Variants in EXD1 observed in about 807,000 individuals in gnomAD.
The protein encoded by EXD1 is piRNA biogenesis protein EXD1.
Under a neutral mutation model 49.1 loss-of-function variants are expected in EXD1, and 63 were observed. That is an observed-to-expected ratio of 1.28 (90% confidence interval 1.05 to 1.58). EXD1 has a LOEUF of 1.58. Among genes scored for constraint, EXD1 ranks in the 40% most tolerant of loss-of-function variants. The pLI is 0.00. For missense variants in EXD1, 748 were observed against 666.0 expected, an observed-to-expected ratio of 1.12 and a Z score of -1.36; for synonymous variants, 234 against 239.2, an observed-to-expected ratio of 0.98 and a Z score of 0.20.
intron 6 of EXD1, among the ~76,000 whole-genome samples, chr15:41,212,260 T>C (rs867540237): frequency 6.6e-6 from 1 of 151,452 alleles, no homozygotes; most frequent in Non-Finnish European, 1.5e-5. Context: ...ACACCCTGGC[T>C]AACACGGTGA....
At chr15:41,214,751 C>CTT (rs544183000) in intron 6 of EXD1, among the ~76,000 whole-genome samples, 2 of 145,768 alleles carry the variant, frequency 1.4e-5, no homozygotes, top group Non-Finnish European at 1.5e-5. Context: ...AAGTTCTTCA[C>CTT]TTTTTTTTTT....
In EXD1 at chr15:41,183,634, C is replaced by T; in HGVS notation, c.*297G>A. 4.0e-6 allele frequency: 1 copy of T among 252,110 alleles called. No homozygotes were observed. Among genetic ancestry groups the T allele is most frequent in the Non-Finnish European group, 7.5e-6 (1 of 134,142 alleles). 15.6% of individuals were successfully genotyped at this position (252,110 alleles called of 1,614,324 possible). A position where few individuals can be genotyped will look rare whatever the true frequency, so the allele number is the denominator to read the frequency against. ...GATGGAGTCTTCCTGATACTAAGCC[C>T]AAGATTCTTCCTTTCTTCAAATCCT... On this transcript the variant is annotated 3_prime_UTR_variant, in exon 12 of 12. Transcript: ENST00000458580.
At chr15:41,195,688 A>T in intron 9 of EXD1, 87 bp downstream of exon 9, 1 of 961,186 alleles carries the variant, frequency 1.0e-6, no homozygotes, top group Non-Finnish European at 1.4e-6. Flanking sequence ...AATTAAAAAG[A>T]CTTTCACTCA....
chr15:41,223,710 G>A (rs2047122545), intron 2 of EXD1, among the ~76,000 whole-genome samples: 2 of 149,242 alleles, frequency 1.3e-5, no homozygotes, highest in African/African-American at 4.9e-5. Flanking sequence ...AAATACAAAA[G>A]AAAAATCAGC....
rs146912944 is a variant in EXD1 at position 41,214,143 on chromosome 15, G to C, written c.447+1632C>G. The stretch of plus-strand genomic sequence containing the variant: ...GATAGTGCCACTGCACTCCAGCCTG[G>C]GCGAAAGAGACTCCATCTCAAAAAC... On this transcript the variant is annotated intron_variant, in intron 6 of 11. Coordinates refer to ENST00000458580, the MANE Select transcript of EXD1 (RefSeq NM_001286441.2). Among the ~76,000 whole-genome samples the C allele has an allele frequency of 3.8e-3, 585 of 152,140 alleles. 7 individuals are homozygous for C. Among genetic ancestry groups the C allele is most frequent in the African/African-American group, 0.013 (543 of 41,508 alleles).
chr15:41,195,348 T>A (rs28459903), intron 9 of EXD1, among the ~76,000 whole-genome samples: 94 of 152,176 alleles, frequency 6.2e-4, no homozygotes, highest in Non-Finnish European at 1.2e-3. Flanking sequence ...TTGGGGGGCA[T>A]ATGCAGGACG....
At chr15:41,196,791 TC>T (rs1157958153) in intron 7 of EXD1, among the ~76,000 whole-genome samples, 4 of 152,128 alleles carry the variant, frequency 2.6e-5, no homozygotes, top group South Asian at 4.2e-4. Context: ...GGTCTCAAAC[TC>T]CTGACCTCAA....
chr15:41,217,461 G>A (rs1329142165), intron 3 of EXD1, among the ~76,000 whole-genome samples: 1 of 151,644 alleles, frequency 6.6e-6, no homozygotes, highest in African/African-American at 2.4e-5. Flanking sequence ...GTTAGTTCTA[G>A]AGATTTCTTT....
At position 41,215,831 on chromosome 15, in the gene EXD1, C is replaced by A. The variant is rs1372532950; in HGVS notation, c.391G>T (p.Glu131Ter). 6.2e-7 allele frequency: 1 copy of A among 1,613,850 alleles called. No individual in the cohort carries two copies. The highest frequency in any genetic ancestry group is 1.1e-5 in the South Asian group (1 of 91,064). ...ATGACTGTGTATGTCACCTCCTCTTCCTCTACAAGACAAGGATTGCATTAG... is the reference window on the plus strand; with the variant it reads ...ATGACTGTGTATGTCACCTCCTCTTACTCTACAAGACAAGGATTGCATTAG... ...LNDLKYSPSE[E>*]EEVTYTVINQ... Residue 131 changes from glutamate (E) to a stop codon, truncating the protein, a stop_gained and splice_region_variant, in exon 6 of 12, where the codon GAA (glutamate) becomes TAA (stop). Transcript: ENST00000458580. LOFTEE classifies it high-confidence loss of function.
intron 1 of EXD1, among the ~76,000 whole-genome samples, chr15:41,227,173 C>T (rs1395478859): frequency 2.0e-5 from 3 of 152,104 alleles, no homozygotes; most frequent in Non-Finnish European, 4.4e-5. Flanking sequence ...GAAATCAAGG[C>T]AAGTAGGACA....
chr15:41,216,848 C>T lies in EXD1; in HGVS notation c.261-53G>A, dbSNP rs1242082853. ...TGAACTTGTTCTTTGTTGTTGACAC[C>T]AAAAACAGATTTTGCCACACATTAA... is the stretch of plus-strand genomic sequence containing the variant. On this transcript the variant is annotated intron_variant, in intron 4 of 11. Transcript: ENST00000458580. 1.9e-6 allele frequency: 3 copies of T among 1,600,882 alleles called. No homozygotes were observed. In the Admixed American group the frequency reaches 5.2e-5, roughly 28 times the overall value.
chr15:41,226,889 T>A (rs1311481591), intron 1 of EXD1, among the ~76,000 whole-genome samples: 2 of 152,162 alleles, frequency 1.3e-5, no homozygotes, highest in Non-Finnish European at 2.9e-5. Context: ...CTTCCTTAGC[T>A]AAATGGAAGA....
chr15:41,228,123 T>A (rs1027633531), intron 1 of EXD1, among the ~76,000 whole-genome samples: 1 of 152,218 alleles, frequency 6.6e-6, no homozygotes, highest in Non-Finnish European at 1.5e-5. Flanking sequence ...TTTTAAAAGT[T>A]AATTTAGAAC....
intron 7 of EXD1, among the ~76,000 whole-genome samples, chr15:41,198,783 G>A (rs900983244): frequency 2.6e-5 from 4 of 151,490 alleles, no homozygotes; most frequent in African/African-American, 4.9e-5. Context: ...TCGGCTCACT[G>A]AAACCTCTGC....
intron 3 of EXD1, among the ~76,000 whole-genome samples, chr15:41,218,808 T>C (rs1470378101): frequency 6.6e-6 from 1 of 152,200 alleles, no homozygotes; most frequent in Non-Finnish European, 1.5e-5. Context: ...GAAAGAAATA[T>C]GTAGCTGTCC....
chr15:41,206,866 C>T (rs1566985447), intron 7 of EXD1, among the ~76,000 whole-genome samples: 1 of 147,660 alleles, frequency 6.8e-6, no homozygotes, highest in Non-Finnish European at 1.5e-5. Flanking sequence ...GTGATCTGCC[C>T]ACCGTAGCCT....
intron 7 of EXD1, among the ~76,000 whole-genome samples, chr15:41,198,537 A>G (rs2046652507): frequency 6.6e-6 from 1 of 151,860 alleles, no homozygotes; most frequent in Non-Finnish European, 1.5e-5. Context: ...CAAAAAATTT[A>G]AAAATCAGCT....
chr15:41,201,878 G>A (rs2046734127), intron 7 of EXD1, among the ~76,000 whole-genome samples: 4 of 152,176 alleles, frequency 2.6e-5, no homozygotes, highest in South Asian at 2.1e-4. Context: ...AACGCCAGGC[G>A]TGGTGTGGCT....
At chr15:41,208,273 G>A (rs2140875824) in intron 7 of EXD1, among the ~76,000 whole-genome samples, 1 of 148,294 alleles carries the variant, frequency 6.7e-6, no homozygotes, top group East Asian at 2.0e-4. Context: ...GCTCATGCCT[G>A]TAACCCCAGC....
Sources: allele counts gnomAD v4.1 joint callset (sites outside exome capture counted in the v4.1 genomes callset), GRCh38; gene constraint gnomAD v4.1.1; transcripts MANE v1.5; gene names NCBI Gene and HGNC (gene_info 2026-07-23, HGNC 2026-07-21).